The following FLVCR2 variants were observed in gnomAD, a reference collection of about 807,000 sequenced individuals.
The protein encoded by FLVCR2 is choline/ethanolamine transporter FLVCR2.
FLVCR2 carries 38 observed loss-of-function variants against 48.9 expected under a neutral mutation model. That is an observed-to-expected ratio of 0.78 (90% CI 0.60 to 1.02). The LOEUF (loss-of-function observed/expected upper bound fraction) is 1.02. Ranked by LOEUF, FLVCR2 falls within the 50% of genes least tolerant of loss-of-function variation. The pLI, the probability that FLVCR2 is intolerant of heterozygous loss-of-function variation, is 0.00. For synonymous variants in FLVCR2, 255 were observed against 257.0 expected (o/e 0.99, Z 0.07); for missense variants, 664 against 663.3 (o/e 1.00, Z -0.01).
chr14:75,642,215 G>A lies in FLVCR2; in HGVS notation c.1509+317G>A, dbSNP rs187859556. Among the ~76,000 whole-genome samples, 206 of 152,290 alleles carry A rather than the reference G, an allele frequency of 1.4e-3. 1 individual carries two copies. The highest frequency in any genetic ancestry group is 4.9e-3 in the African/African-American group (202 of 41,560). On this transcript the variant is annotated intron_variant, in intron 9 of 9. Transcript: ENST00000238667. ...AGCACCCCTGACTGGATCTTGAGCC[G>A]AGTCCTGAGGCTCTGGCTCCACTGT... is the stretch of plus-strand genomic sequence containing the variant.
intron 1 of FLVCR2, among the ~76,000 whole-genome samples, chr14:75,614,565 G>A (rs1889559800): frequency 1.3e-5 from 2 of 152,190 alleles, no homozygotes; most frequent in African/African-American, 2.4e-5. Flanking sequence ...ATGATGGGAA[G>A]GTTGGAATCA....
chr14:75,607,454 T>C (rs1428959902), intron 1 of FLVCR2, among the ~76,000 whole-genome samples: 2 of 152,234 alleles, frequency 1.3e-5, no homozygotes, highest in South Asian at 2.1e-4. Flanking sequence ...TCTCAGACCA[T>C]GTCTTCTGGG....
chr14:75,584,546 A>G (rs920655305), intron 1 of FLVCR2, among the ~76,000 whole-genome samples: 14 of 152,230 alleles, frequency 9.2e-5, no homozygotes, highest in African/African-American at 3.4e-4. Flanking sequence ...CATAATTAAC[A>G]GCTTCGTAAG....
intron 1 of FLVCR2, among the ~76,000 whole-genome samples, chr14:75,607,092 A>G (rs970969101): frequency 2.0e-5 from 3 of 152,200 alleles, no homozygotes; most frequent in Admixed American, 6.5e-5. Context: ...TATAGAAGCC[A>G]TGGAAGCTGG....
At chr14:75,582,909 AG>A (rs1888645936) in intron 1 of FLVCR2, among the ~76,000 whole-genome samples, 1 of 152,158 alleles carries the variant, frequency 6.6e-6, no homozygotes. Flanking sequence ...GGGGTTTGGG[AG>A]ATTAGCTGGA....
intron 1 of FLVCR2, chr14:75,605,383 C>T: frequency 7.7e-7 from 1 of 1,291,286 alleles, no homozygotes; most frequent in Non-Finnish European, 1.0e-6. Flanking sequence ...CTTGATTCTA[C>T]AGAGCTAAGG....
chr14:75,624,695 G>A lies in FLVCR2; in HGVS notation c.895G>A (p.Gly299Ser). ...ALTSPDASYL[G>S]SIARLFKNLN... ...GACCTCTCCTGATGCCTCATACTTA[G>A]GTTCCATCGCCCGGCTCTTCAAAAA... The change falls in exon 3 of 10, where the codon GGT becomes AGT. Residue 299 changes from glycine (G) to serine (S), a missense_variant. By Grantham distance (56) the Gly-to-Ser change is moderately conservative. Coordinates refer to ENST00000238667, the MANE Select transcript of FLVCR2 (RefSeq NM_017791.3). 2 of 1,614,078 alleles carry A rather than the reference G, an allele frequency of 1.2e-6. No individual in the cohort carries two copies. Among genetic ancestry groups the A allele is most frequent in the South Asian group, 2.2e-5 (2 of 91,068 alleles).
At chr14:75,617,175 CCCAGACGCAG>C (rs1398227990) in intron 1 of FLVCR2, among the ~76,000 whole-genome samples, 4 of 152,050 alleles carry the variant, frequency 2.6e-5, no homozygotes, top group African/African-American at 9.7e-5. Context: ...GAAATCTTAC[CCCAGACGCAG>C]CCTGATGATT....
chr14:75,629,675 A>G (rs1213184995), intron 3 of FLVCR2, among the ~76,000 whole-genome samples: 1 of 152,160 alleles, frequency 6.6e-6, no homozygotes, highest in Non-Finnish European at 1.5e-5. Flanking sequence ...GCCTCCTCTA[A>G]TGTCTTATTA....
intron 1 of FLVCR2, among the ~76,000 whole-genome samples, chr14:75,583,481 G>A (rs1441888510): frequency 1.3e-5 from 2 of 152,236 alleles, no homozygotes; most frequent in South Asian, 4.1e-4. Flanking sequence ...GCTCGTGATC[G>A]GTTGCCAGGG....
intron 9 of FLVCR2, among the ~76,000 whole-genome samples, chr14:75,645,033 G>GGTGTGTGT (rs71119379): frequency 3.1e-4 from 4 of 13,078 alleles, no homozygotes; most frequent in East Asian, 4.7e-3. Flanking sequence ...AGGCGGGCGT[G>GGTGTGTGT]GTGTGTGTGT....
At chr14:75,637,873 C>T (rs919041072) in intron 5 of FLVCR2, among the ~76,000 whole-genome samples, 1 of 151,998 alleles carries the variant, frequency 6.6e-6, no homozygotes, top group Non-Finnish European at 1.5e-5. Flanking sequence ...GGTCGAATTG[C>T]AGGAGTCGGG....
intron 1 of FLVCR2, among the ~76,000 whole-genome samples, chr14:75,583,820 A>G (rs937491464): frequency 6.6e-6 from 1 of 152,124 alleles, no homozygotes; most frequent in Non-Finnish European, 1.5e-5. Context: ...GGTAATGTGG[A>G]ATTGGTAGCC....
chr14:75,579,573 A>T lies in FLVCR2; in HGVS notation c.601A>T (p.Ile201Phe). ...QVFILGMPSR[I>F]ASVWFGANEV... ...TTTCATCCTGGGCATGCCCTCCCGC[A>T]TCGCTTCCGTCTGGTTCGGGGCTAA... Residue 201 changes from isoleucine to phenylalanine, a missense_variant, in exon 1 of 10, where the codon ATC becomes TTC. Coordinates refer to ENST00000238667, the MANE Select transcript of FLVCR2 (RefSeq NM_017791.3). 2 of 1,614,006 alleles carry T rather than the reference A, an allele frequency of 1.2e-6. No individual in the cohort carries two copies. Among genetic ancestry groups the T allele is most frequent in the Non-Finnish European group, 1.7e-6 (2 of 1,180,020 alleles).
intron 9 of FLVCR2, among the ~76,000 whole-genome samples, chr14:75,645,667 C>G (rs1049762519): frequency 1.3e-5 from 2 of 152,118 alleles, no homozygotes; most frequent in Non-Finnish European, 1.5e-5. Flanking sequence ...CCTGTAATCC[C>G]AGCACTTTGG....
At position 75,628,951 on chromosome 14, in the gene FLVCR2, C is replaced by T. The variant is rs376193242; in HGVS notation, c.952+4199C>T. On this transcript the variant is annotated intron_variant, in intron 3 of 9. Coordinates refer to ENST00000238667, the MANE Select transcript of FLVCR2 (RefSeq NM_017791.3). ...CATTGGTAAACTTACTGGTTTCCAG[C>T]GTTGCTTCTTTGGTCCAAACCAGAT... 1.1e-3 allele frequency among the ~76,000 whole-genome samples: 174 copies of T among 152,298 alleles called. 5 individuals carry two copies. The South Asian group carries it at 0.032, about 28-fold the overall frequency.
intron 1 of FLVCR2, among the ~76,000 whole-genome samples, chr14:75,620,801 T>C (rs1366105095): frequency 1.3e-5 from 2 of 152,224 alleles, no homozygotes; most frequent in East Asian, 1.9e-4. Flanking sequence ...ATGGCTGTAA[T>C]TGACAGAAGG....
intron 1 of FLVCR2, among the ~76,000 whole-genome samples, chr14:75,593,205 G>A (rs931701560): frequency 1.3e-5 from 2 of 152,128 alleles, no homozygotes; most frequent in African/African-American, 4.8e-5. Flanking sequence ...CAGTTCCAAA[G>A]CTGCTTCTGC....
rs975379603 is a variant in FLVCR2 at position 75,648,053 on chromosome 14, C to T, written c.*1581C>T. 1.3e-5 allele frequency: 2 copies of T among 152,644 alleles called. No homozygotes were observed. Among genetic ancestry groups the T allele is most frequent in the African/African-American group, 4.8e-5 (2 of 41,438 alleles). 9.5% of individuals were successfully genotyped at this position (152,644 alleles called of 1,614,324 possible). On this transcript the variant is annotated 3_prime_UTR_variant, in exon 10 of 10. Coordinates refer to ENST00000238667, the MANE Select transcript of FLVCR2 (RefSeq NM_017791.3). ...AGAGAAAGATGTTTACTCATAAACCCTTCAAAAGGTATTAACAAAATGTTT... is the reference window on the plus strand; with the variant it reads ...AGAGAAAGATGTTTACTCATAAACCTTTCAAAAGGTATTAACAAAATGTTT...
Sources: allele counts gnomAD v4.1 joint callset (sites outside exome capture counted in the v4.1 genomes callset), GRCh38; gene constraint gnomAD v4.1.1; transcripts MANE v1.5; gene names NCBI Gene and HGNC (gene_info 2026-07-23, HGNC 2026-07-21).